The following HSDL1 variants were observed in gnomAD, a reference collection of about 807,000 sequenced individuals.
The protein encoded by HSDL1 is inactive hydroxysteroid dehydrogenase-like protein 1.
HSDL1 carries 29 observed loss-of-function variants against 31.5 expected under a neutral mutation model. That is an observed-to-expected ratio of 0.92 (90% CI 0.69 to 1.26). The LOEUF is 1.26. Among genes scored for constraint, HSDL1 ranks in the 50% most tolerant of loss-of-function variants. The pLI is 0.00. For synonymous variants in HSDL1, 222 were observed against 155.2 expected (o/e 1.43, Z -3.20); for missense variants, 503 against 416.6 (o/e 1.21, Z -1.81).
At chr16:84,140,829 C>T (rs1463617795) in intron 1 of HSDL1, among the ~76,000 whole-genome samples, 17 of 152,190 alleles carry the variant, frequency 1.1e-4, no homozygotes, top group African/African-American at 3.9e-4. Flanking sequence ...GCTGGCCGGG[C>T]GCGGTGGCTC....
chr16:84,137,990 G>A (rs893399140), intron 1 of HSDL1, among the ~76,000 whole-genome samples: 1 of 152,168 alleles, frequency 6.6e-6, no homozygotes, highest in African/African-American at 2.4e-5. Flanking sequence ...TTCTTGTCTT[G>A]AATCTTAACC....
chr16:84,122,486 T>G lies in HSDL1; in HGVS notation c.*2144A>C, dbSNP rs536339953. 7 of 152,454 alleles carry G rather than the reference T, an allele frequency of 4.6e-5. No homozygotes were observed. Among genetic ancestry groups the G allele is most frequent in the African/African-American group, 1.7e-4 (7 of 41,504 alleles). 9.4% of individuals were successfully genotyped at this position (152,454 alleles called of 1,614,324 possible). ...AATTCTCCTGCCTCAGCCTCCCAAG[T>G]AGCTGGGACTACAGGCATGCACCAC... On this transcript the variant is annotated 3_prime_UTR_variant, in exon 6 of 6. Transcript: ENST00000219439.
rs766984441 is a variant in HSDL1, at chr16:84,129,787, G to C, written c.667-12C>G. On this transcript the variant is annotated splice_polypyrimidine_tract_variant and intron_variant, in intron 4 of 5. Transcript: ENST00000219439. ...TGGTCTAAATAAGCCTGTTGAGACA[G>C]AGGGGAGGAAAAGACTTTTAATTCT... 6.3e-6 allele frequency: 10 copies of C among 1,592,144 alleles called. No homozygotes were observed. The highest frequency in any genetic ancestry group is 7.7e-6 in the Non-Finnish European group (9 of 1,163,236).
At chr16:84,128,226 T>C (rs899875858) in intron 5 of HSDL1, among the ~76,000 whole-genome samples, 1 of 151,264 alleles carries the variant, frequency 6.6e-6, no homozygotes, top group East Asian at 2.0e-4. Context: ...GAGGTGGAGG[T>C]TGCAGTGAGC....
In HSDL1 at chr16:84,142,345, A is replaced by G. The variant is rs545502216; in HGVS notation, c.-69+2735T>C. Among the ~76,000 whole-genome samples, 202 of 151,962 alleles carry G rather than the reference A, an allele frequency of 1.3e-3. 2 individuals carry two copies. Among genetic ancestry groups the G allele is most frequent in the African/African-American group, 4.5e-3 (188 of 41,442 alleles). Reference sequence around the variant, plus strand: ...AAGAAATTTTTTCGAATTATTTTCTAGAAATTTTACATTTTTGCTTTTTCA... The same window carrying G: ...AAGAAATTTTTTCGAATTATTTTCTGGAAATTTTACATTTTTGCTTTTTCA... On this transcript the variant is annotated intron_variant, in intron 1 of 5. Transcript: ENST00000219439.
rs1454774668 is a variant in HSDL1, at chr16:84,130,436, G to T, written c.221-5C>A. On this transcript the variant is annotated splice_polypyrimidine_tract_variant and splice_region_variant and intron_variant, in intron 3 of 5. Coordinates refer to ENST00000219439, the MANE Select transcript of HSDL1 (RefSeq NM_031463.5). ...TTCCAATCCCATCTGTTGCACCTAG[G>T]ATGCAAGTCAGGAAAAGTGAGCATG... The T allele has an allele frequency of 3.1e-6, 5 of 1,597,592 alleles. No homozygotes were observed. Among genetic ancestry groups the T allele is most frequent in the South Asian group, 1.1e-5 (1 of 88,904 alleles).
At chr16:84,144,576 G>T in intron 1 of HSDL1, 1 of 152,246 alleles carries the variant, frequency 6.6e-6, no homozygotes, top group South Asian at 2.1e-4. Context: ...TTCCATTTTA[G>T]AAAAACACGG....
chr16:84,135,220 G>A (rs1341410949), intron 2 of HSDL1, among the ~76,000 whole-genome samples: 3 of 150,916 alleles, frequency 2.0e-5, no homozygotes, highest in South Asian at 4.2e-4. Flanking sequence ...ACGACAGAGG[G>A]AGACTCCGTC....
chr16:84,131,005 G>T, intron 3 of HSDL1, 97 bp downstream of exon 3: 1 of 950,198 alleles, frequency 1.1e-6, no homozygotes, highest in Non-Finnish European at 1.6e-6. Context: ...TTTTTTATCA[G>T]CATGTTCCCA....
chr16:84,124,037 CATAA>C lies in HSDL1; in HGVS notation c.*589_*592del, dbSNP rs1213785618. ...AAAATCTTTTTAAAAATATGGTAACCATAAATAAAGTTGCTCAAAGGCACCACAC... is the reference window on the plus strand; with the variant it reads ...AAAATCTTTTTAAAAATATGGTAACCATAAAGTTGCTCAAAGGCACCACAC... On this transcript the variant is annotated 3_prime_UTR_variant, in exon 6 of 6. Coordinates refer to ENST00000219439, the MANE Select transcript of HSDL1 (RefSeq NM_031463.5). 1 of 152,274 alleles carries C rather than the reference CATAA, an allele frequency of 6.6e-6. No individual in the cohort carries two copies. Among genetic ancestry groups the C allele is most frequent in the East Asian group, 1.9e-4 (1 of 5,192 alleles). The allele number at this position is 152,274 out of a possible 1,614,324, so 9.4% of individuals were successfully genotyped here.
At chr16:84,143,534 A>G (rs1245628954) in intron 1 of HSDL1, among the ~76,000 whole-genome samples, 1 of 152,188 alleles carries the variant, frequency 6.6e-6, no homozygotes, top group Non-Finnish European at 1.5e-5. Context: ...TGATGGTTGC[A>G]TAGCATTGTG....
rs1483335609 is a variant in HSDL1, at chr16:84,123,508, T to C, written c.*1122A>G. The C allele has an allele frequency of 6.6e-6, 1 of 152,260 alleles. No individual in the cohort carries two copies. The highest frequency in any genetic ancestry group is 6.5e-5 in the Admixed American group (1 of 15,280). The allele number at this position is 152,260 out of a possible 1,614,324, so 9.4% of individuals were successfully genotyped here. Reference sequence around the variant, plus strand: ...AACGCGTATTGTGAGGGTTTGTGCATAATTATCTTCACACCAGTAAAGGTA... The same window carrying C: ...AACGCGTATTGTGAGGGTTTGTGCACAATTATCTTCACACCAGTAAAGGTA... On this transcript the variant is annotated 3_prime_UTR_variant, in exon 6 of 6. Coordinates refer to ENST00000219439, the MANE Select transcript of HSDL1 (RefSeq NM_031463.5).
At chr16:84,141,733 T>G (rs1230572452) in intron 1 of HSDL1, among the ~76,000 whole-genome samples, 1 of 152,202 alleles carries the variant, frequency 6.6e-6, no homozygotes, top group East Asian at 1.9e-4. Context: ...TAATTTACAT[T>G]TCCCTGGTTA....
intron 1 of HSDL1, among the ~76,000 whole-genome samples, chr16:84,139,016 T>C (rs2086739315): frequency 6.6e-6 from 1 of 152,186 alleles, no homozygotes; most frequent in Non-Finnish European, 1.5e-5. Context: ...GGCTGAAACA[T>C]GGACATTACC....
Position 84,145,103 on chromosome 16 carries a change from A to G in HSDL1, c.-92T>C, listed in dbSNP as rs1383834319. On this transcript the variant is annotated 5_prime_UTR_variant, in exon 1 of 6. Transcript: ENST00000219439. Reference sequence around the variant, plus strand: ...ACCTGCAGGCCGGCAAAGTCTTCCAAACCGGTCCCGCCAGACCCGCGCGGC... The same window carrying G: ...ACCTGCAGGCCGGCAAAGTCTTCCAGACCGGTCCCGCCAGACCCGCGCGGC... 1 of 166,252 alleles carries G rather than the reference A, an allele frequency of 6.0e-6. No homozygotes were observed. Among genetic ancestry groups the G allele is most frequent in the African/African-American group, 2.4e-5 (1 of 41,808 alleles). The allele number at this position is 166,252 out of a possible 1,614,324, so 10.3% of individuals were successfully genotyped here.
Position 84,131,293 on chromosome 16 carries a change from A to T in HSDL1, c.29T>A (p.Leu10Ter). 6.2e-7 allele frequency: 1 copy of T among 1,614,110 alleles called. No homozygotes were observed. Reference protein sequence around the residue: MAAVDSFYLLYREIARSCNC... With the variant: MAAVDSFYL ...GCAAGACCTGGCGATTTCCCTGTAC[A>T]AGAGGTAGAAACTGTCAACAGCAGC... The change falls in exon 3 of 6, where the codon TTG becomes TAG. Residue 10 changes from leucine to a stop codon, truncating the protein, a stop_gained. Coordinates refer to ENST00000219439, the MANE Select transcript of HSDL1 (RefSeq NM_031463.5). LOFTEE classifies it high-confidence loss of function.
At position 84,124,555 on chromosome 16, in the gene HSDL1, T is replaced by G; in HGVS notation, c.*75A>C. ...CAGCAATGAAACACAGGAGATAAAT[T>G]AAATGTGTTTTTCCAAATGTCAGAA... On this transcript the variant is annotated 3_prime_UTR_variant, in exon 6 of 6. Transcript: ENST00000219439. 1 of 895,786 alleles carries G rather than the reference T, an allele frequency of 1.1e-6. No individual in the cohort carries two copies. Among genetic ancestry groups the G allele is most frequent in the Admixed American group, 1.8e-5 (1 of 55,830 alleles). 55.5% of individuals were successfully genotyped at this position (895,786 alleles called of 1,614,324 possible).
intron 5 of HSDL1, among the ~76,000 whole-genome samples, chr16:84,126,481 G>A (rs2086607951): frequency 1.3e-5 from 2 of 152,082 alleles, no homozygotes; most frequent in Non-Finnish European, 1.5e-5. Flanking sequence ...TACACAGGAC[G>A]CTCCCCATGT....
chr16:84,139,159 T>C (rs1007022762), intron 1 of HSDL1: 1 of 152,204 alleles, frequency 6.6e-6, no homozygotes, highest in Non-Finnish European at 1.5e-5. Flanking sequence ...GACAGTGTGG[T>C]GGGCACAGTA....
Sources: allele counts gnomAD v4.1 joint callset (sites outside exome capture counted in the v4.1 genomes callset), GRCh38; gene constraint gnomAD v4.1.1; transcripts MANE v1.5; gene names NCBI Gene and HGNC (gene_info 2026-07-23, HGNC 2026-07-21).